Variants in HSD11B1L observed in about 807,000 individuals in gnomAD.
The protein encoded by HSD11B1L is hydroxysteroid 11-beta dehydrogenase 1 like, also known as hydroxysteroid 11-beta-dehydrogenase 1-like protein.
A neutral mutation model predicts 27.0 loss-of-function variants in HSD11B1L; 22 were observed. That is an observed-to-expected ratio of 0.81 (90% CI 0.58 to 1.16). HSD11B1L has a LOEUF of 1.16. HSD11B1L is among the 50% of genes most tolerant of loss of function. The pLI is 0.00. For missense variants in HSD11B1L, 372 were observed against 401.8 expected, an observed-to-expected ratio of 0.93 and a Z score of 0.63; for synonymous variants, 187 against 189.2, an observed-to-expected ratio of 0.99 and a Z score of 0.09.
rs1057270616 is a variant in HSD11B1L at position 5,686,410 on chromosome 19, C to A, written c.205-6C>A. The A allele has an allele frequency of 6.4e-7, 1 of 1,556,904 alleles. No homozygotes were observed. The highest frequency in any genetic ancestry group is 8.7e-7 in the Non-Finnish European group (1 of 1,149,718). ...GAGGCCCACGGGCAGCTCTGGCCCC[C>A]CCCAGGTGGTAGGGAACTGCCGGAA... is the stretch of plus-strand genomic sequence containing the variant. On this transcript the variant is annotated splice_polypyrimidine_tract_variant and splice_region_variant and intron_variant, in intron 3 of 7. Coordinates refer to ENST00000339423, the MANE Select transcript of HSD11B1L (RefSeq NM_198706.3).
At position 5,687,447 on chromosome 19, in the gene HSD11B1L, G is replaced by C; in HGVS notation, c.503-56G>C. The C allele has an allele frequency of 1.3e-6, 2 of 1,592,762 alleles. No homozygotes were observed. Among genetic ancestry groups the C allele is most frequent in the Non-Finnish European group, 1.7e-6 (2 of 1,173,694 alleles). ...CGATGCGGGTGAGCCTGGAGGGTCT[G>C]GGCAGGCTTCCCGGACGAGGGGGAG... On this transcript the variant is annotated intron_variant, in intron 6 of 7. Coordinates refer to ENST00000339423, the MANE Select transcript of HSD11B1L (RefSeq NM_198706.3). The surrounding 1 kb of genome is among the most constrained non-coding windows in gnomAD (Gnocchi z 6.6).
At chr19:5,683,591 GA>G (rs1221889923) in intron 1 of HSD11B1L, among the ~76,000 whole-genome samples, 37 of 152,262 alleles carry the variant, frequency 2.4e-4, no homozygotes, top group Admixed American at 2.0e-3. Flanking sequence ...ATGGTGGAAC[GA>G]GTAACAAATG....
chr19:5,688,420 C>T lies in HSD11B1L; in HGVS notation c.*475C>T, dbSNP rs1014970783. On this transcript the variant is annotated 3_prime_UTR_variant, in exon 8 of 8. Coordinates refer to ENST00000339423, the MANE Select transcript of HSD11B1L (RefSeq NM_198706.3). The stretch of plus-strand genomic sequence containing the variant: ...CACCTGCAGGGGCGTCTACACTGTT[C>T]GTCTACCTGGTGGCAGGGTCTGAGC... 11 of 564,698 alleles carry T rather than the reference C, an allele frequency of 1.9e-5. No homozygotes were observed. Among genetic ancestry groups the T allele is most frequent in the Non-Finnish European group, 2.5e-5 (8 of 319,280 alleles). The allele number at this position is 564,698 out of a possible 1,614,324, so 35.0% of individuals were successfully genotyped here. A position where few individuals can be genotyped will look rare whatever the true frequency, so the allele number is the denominator to read the frequency against.
Position 5,688,022 on chromosome 19 carries a change from G to C in HSD11B1L, c.*77G>C. On this transcript the variant is annotated 3_prime_UTR_variant, in exon 8 of 8. Coordinates refer to ENST00000339423, the MANE Select transcript of HSD11B1L (RefSeq NM_198706.3). ...TGTCCCTGGAGCCAGAACACTCACA[G>C]AGACACCCCTGAGAGGGTGGCCACA... is the stretch of plus-strand genomic sequence containing the variant. 6.4e-7 allele frequency: 1 copy of C among 1,551,536 alleles called. No individual in the cohort carries two copies.
rs539071106 is a variant in HSD11B1L, at chr19:5,687,047, C to G, written c.408+56C>G. 15 of 1,447,140 alleles carry G rather than the reference C, an allele frequency of 1.0e-5. No homozygotes were observed. The East Asian group carries it at 3.2e-4, about 31-fold the overall frequency. The allele number at this position is 1,447,140 out of a possible 1,614,324, so 89.6% of individuals were successfully genotyped here. On this transcript the variant is annotated intron_variant, in intron 5 of 7. Transcript: ENST00000339423. The surrounding 1 kb of genome is among the most constrained non-coding windows in gnomAD (Gnocchi z 6.6). The stretch of plus-strand genomic sequence containing the variant: ...CCCTCTATCTCAGGGACCGGTGGTC[C>G]GTTCCCTTCGCGGTCCGGGTTCTGC...
At chr19:5,686,587 AC>A in intron 4 of HSD11B1L, 60 bp downstream of exon 4, 2 of 1,338,346 alleles carry the variant, frequency 1.5e-6, no homozygotes, top group Non-Finnish European at 2.1e-6. Context: ...TAGGGACAGG[AC>A]CAGAATTGGG....
chr19:5,682,993 C>G (rs1361103161), intron 1 of HSD11B1L, among the ~76,000 whole-genome samples: 1 of 151,610 alleles, frequency 6.6e-6, no homozygotes, highest in Non-Finnish European at 1.5e-5. Context: ...GCTGGTGCAC[C>G]CACTTGTAGT....
chr19:5,686,994 G>T lies in HSD11B1L; in HGVS notation c.408+3G>T. The T allele has an allele frequency of 6.5e-7, 1 of 1,543,600 alleles. No homozygotes were observed. The highest frequency in any genetic ancestry group is 2.4e-5 in the East Asian group (1 of 40,876). On this transcript the variant is annotated splice_donor_region_variant and intron_variant, in intron 5 of 7. Coordinates refer to ENST00000339423, the MANE Select transcript of HSD11B1L (RefSeq NM_198706.3). ...AGGCAACTCGCTGGCTCATGCAGGT[G>T]CTCCGCTCCTCCGCGGCCCCGGCCC...
At chr19:5,683,982 T>C in intron 1 of HSD11B1L, 1 of 429,860 alleles carries the variant, frequency 2.3e-6, no homozygotes. Flanking sequence ...TTTTGTTTGT[T>C]TGTTTGTTTT....
intron 4 of HSD11B1L, 87 bp downstream of exon 4, chr19:5,686,614 C>A: frequency 9.6e-7 from 1 of 1,042,268 alleles, no homozygotes; most frequent in Non-Finnish European, 1.4e-6. Context: ...GGTGTGGCCA[C>A]AGTAACAGGT....
chr19:5,683,868 T>C (rs939986549), intron 1 of HSD11B1L, among the ~76,000 whole-genome samples: 34 of 151,804 alleles, frequency 2.2e-4, no homozygotes, highest in Admixed American at 2.2e-3. Context: ...CACTCCAGCC[T>C]GAGCAACAGA....
chr19:5,684,422 C>A, intron 1 of HSD11B1L: 1 of 373,116 alleles, frequency 2.7e-6, no homozygotes. Flanking sequence ...ACGAGAAGGC[C>A]CTGAGGCAGG....
rs929505713 is a variant in HSD11B1L at position 5,686,319 on chromosome 19, G to A, written c.205-97G>A. 6.1e-6 allele frequency: 5 copies of A among 817,140 alleles called. No homozygotes were observed. In the Admixed American group the frequency reaches 1.5e-4, roughly 24 times the overall value. 50.6% of individuals were successfully genotyped at this position (817,140 alleles called of 1,614,324 possible). A position where few individuals can be genotyped will look rare whatever the true frequency, so the allele number is the denominator to read the frequency against. On this transcript the variant is annotated intron_variant, in intron 3 of 7. Transcript: ENST00000339423. ...GTCCCGAGGCTCAGAGTAGGGGGGG[G>A]TTTTCAGGCGGGGGCCTCCCTATGG...
At position 5,687,355 on chromosome 19, in the gene HSD11B1L, T is replaced by A. The variant is rs774930617; in HGVS notation, c.482T>A (p.Val161Glu). ...PSLTDSKGSLVVVSSLLGRVP... is the reference protein window; with the variant it reads ...PSLTDSKGSLEVVSSLLGRVP... ...CTGACGGACAGCAAGGGCTCCCTGGTGGTGGTGTCCTCGCTGCTCGGTGCG... is the reference window on the plus strand; with the variant it reads ...CTGACGGACAGCAAGGGCTCCCTGGAGGTGGTGTCCTCGCTGCTCGGTGCG... Residue 161 changes from valine (V) to glutamate (E), a missense_variant, in exon 6 of 8, where the codon GTG (valine) becomes GAG (glutamate). Coordinates refer to ENST00000339423, the MANE Select transcript of HSD11B1L (RefSeq NM_198706.3). This position sits in a 1 kb window ranked among gnomAD's most constrained non-coding sequence, Gnocchi z 6.6. 1 of 1,612,570 alleles carries A rather than the reference T, an allele frequency of 6.2e-7. No individual in the cohort carries two copies. The highest frequency in any genetic ancestry group is 1.3e-5 in the African/African-American group (1 of 74,988).
In HSD11B1L at chr19:5,688,317, C is replaced by A; in HGVS notation, c.*372C>A. 2.3e-6 allele frequency: 2 copies of A among 857,836 alleles called. No individual in the cohort carries two copies. Among genetic ancestry groups the A allele is most frequent in the Admixed American group, 2.8e-5 (1 of 35,492 alleles). 53.1% of individuals were successfully genotyped at this position (857,836 alleles called of 1,614,324 possible). A position where few individuals can be genotyped will look rare whatever the true frequency, so the allele number is the denominator to read the frequency against. Reference sequence around the variant, plus strand: ...TGCGCCTTTAAGTCCCTGATTTATTCTTTCCATTCATTCCATCTGGGAGGA... The same window carrying A: ...TGCGCCTTTAAGTCCCTGATTTATTATTTCCATTCATTCCATCTGGGAGGA... On this transcript the variant is annotated 3_prime_UTR_variant, in exon 8 of 8. Coordinates refer to ENST00000339423, the MANE Select transcript of HSD11B1L (RefSeq NM_198706.3).
intron 1 of HSD11B1L, among the ~76,000 whole-genome samples, chr19:5,683,325 C>T (rs2054606280): frequency 6.6e-6 from 1 of 152,054 alleles, no homozygotes; most frequent in South Asian, 2.1e-4. Context: ...CTGGATGACG[C>T]AGGCACCTCT....
Position 5,687,777 on chromosome 19 carries a change from C to T in HSD11B1L, c.693C>T (p.Ala231=), listed in dbSNP as rs533902103. 1.5e-3 allele frequency: 2,176 copies of T among 1,483,788 alleles called. 2 individuals are homozygous for T. The highest frequency in any genetic ancestry group is 1.9e-3 in the Non-Finnish European group (2,099 of 1,124,108). 91.9% of individuals were successfully genotyped at this position (1,483,788 alleles called of 1,614,324 possible). A position where few individuals can be genotyped will look rare whatever the true frequency, so the allele number is the denominator to read the frequency against. Residue 231 remains alanine, a synonymous_variant, in exon 8 of 8, where the codon GCC becomes GCT. Transcript: ENST00000339423. The surrounding 1 kb of genome is among the most constrained non-coding windows in gnomAD (Gnocchi z 6.6). ...GGGGAGTCACGAGGGTCAAGGCGGC[C>T]CCGGGGCCCAAGGCAGCCCTGGCCG... ...AVRGVTRVKA[A]PGPKAALAVI... is the part of the protein sequence containing the mutation.
At position 5,687,835 on chromosome 19, in the gene HSD11B1L, G is replaced by T; in HGVS notation, c.751G>T (p.Val251Phe). Residue 251 changes from valine (V) to phenylalanine (F), a missense_variant, in exon 8 of 8, where the codon GTC (valine) becomes TTC (phenylalanine). Physicochemically the swap from Val to Phe is conservative, Grantham distance 50. Coordinates refer to ENST00000339423, the MANE Select transcript of HSD11B1L (RefSeq NM_198706.3). The surrounding 1 kb of genome is among the most constrained non-coding windows in gnomAD (Gnocchi z 6.6). ...IRGGATRAAG[V>F]FYPWRFRLLC... is the part of the protein sequence containing the mutation. ...CGGCGGCGCCACGCGCGCGGCCGGCGTCTTCTACCCGTGGCGTTTCCGCCT... is the reference window on the plus strand; with the variant it reads ...CGGCGGCGCCACGCGCGCGGCCGGCTTCTTCTACCCGTGGCGTTTCCGCCT... 1.3e-6 allele frequency: 2 copies of T among 1,564,206 alleles called. No individual in the cohort carries two copies. The highest frequency in any genetic ancestry group is 8.6e-7 in the Non-Finnish European group (1 of 1,156,622).
At position 5,687,393 on chromosome 19, in the gene HSD11B1L, C is replaced by G. The variant is rs1282113050; in HGVS notation, c.502+18C>G. ...GCTGCTCGGTGCGTGCACCCGGCCC[C>G]GGCTCTGCGGGACGGGGAGTGGGGA... On this transcript the variant is annotated intron_variant, in intron 6 of 7. Transcript: ENST00000339423. This position sits in a 1 kb window ranked among gnomAD's most constrained non-coding sequence, Gnocchi z 6.6. 1.9e-6 allele frequency: 3 copies of G among 1,609,198 alleles called. No homozygotes were observed. The highest frequency in any genetic ancestry group is 3.3e-5 in the Admixed American group (2 of 59,904).
Sources: gnomAD v4.1 joint callset for allele counts (sites outside exome capture counted in the v4.1 genomes callset) on GRCh38, gnomAD v4.1.1 for gene constraint, Gnocchi (gnomAD v3.1) non-coding constraint, MANE v1.5 for transcripts, NCBI Gene and HGNC (gene_info 2026-07-23, HGNC 2026-07-21) for gene names.